The following ALK variants were observed in gnomAD, a reference collection of about 807,000 sequenced individuals.
ALK encodes the protein ALK receptor tyrosine kinase.
Under a neutral mutation model 163.1 loss-of-function variants are expected in ALK, and 74 were observed. That is an observed-to-expected ratio of 0.45 (90% CI 0.38 to 0.55). ALK has a LOEUF of 0.55. Ranked by LOEUF, ALK falls within the 20% of genes least tolerant of loss-of-function variation. The probability of loss-of-function intolerance (pLI) is 0.00; values close to 1 mark genes in which losing one functional copy is unlikely to be tolerated. For synonymous variants in ALK, 960 were observed against 843.2 expected (o/e 1.14, Z -2.40); for missense variants, 2,063 against 2,105.3 (o/e 0.98, Z 0.39).
At chr2:29,581,632 C>A (rs1674694847) in intron 3 of ALK, among the ~76,000 whole-genome samples, 1 of 152,124 alleles carries the variant, frequency 6.6e-6, no homozygotes, top group Admixed American at 6.6e-5. Flanking sequence ...GCCTGTATTG[C>A]CCGTCTTGGC....
chr2:29,697,791 G>A (rs1678617081), intron 2 of ALK, among the ~76,000 whole-genome samples: 1 of 152,098 alleles, frequency 6.6e-6, no homozygotes, highest in Non-Finnish European at 1.5e-5. Context: ...CTGCTTCTGA[G>A]GCTACTACTA....
At chr2:29,231,305 C>T (rs1664198832) in intron 15 of ALK, among the ~76,000 whole-genome samples, 1 of 152,194 alleles carries the variant, frequency 6.6e-6, no homozygotes, top group Admixed American at 6.5e-5. Flanking sequence ...CCACTGCACT[C>T]CAGCCTGGTG....
chr2:29,500,798 A>G (rs920878545), intron 4 of ALK, among the ~76,000 whole-genome samples: 2 of 152,106 alleles, frequency 1.3e-5, no homozygotes, highest in Non-Finnish European at 2.9e-5. Flanking sequence ...CCAGGAGCCC[A>G]ATGCTGCCAT....
intron 1 of ALK, among the ~76,000 whole-genome samples, chr2:29,855,640 T>C (rs1468629511): frequency 6.6e-6 from 1 of 152,204 alleles, no homozygotes; most frequent in Non-Finnish European, 1.5e-5. Flanking sequence ...CAAAAGTCTC[T>C]GTGCCTCCCT....
At chr2:29,700,627 CAT>C (rs979096901) in intron 2 of ALK, among the ~76,000 whole-genome samples, 1 of 152,162 alleles carries the variant, frequency 6.6e-6, no homozygotes, top group African/African-American at 2.4e-5. Context: ...CACACACCTG[CAT>C]GTGTGTGTGT....
intron 12 of ALK, among the ~76,000 whole-genome samples, chr2:29,242,350 T>C (rs563756810): frequency 2.3e-4 from 35 of 152,396 alleles, no homozygotes; most frequent in African/African-American, 8.2e-4. Context: ...GTAAGCGTCA[T>C]GCTGCCCATT....
intron 15 of ALK, 115 bp from the exon 16 acceptor site, chr2:29,229,181 C>T (rs2148180837): frequency 4.4e-6 from 4 of 902,158 alleles, no homozygotes; most frequent in Non-Finnish European, 5.4e-6. Context: ...AGCTCCAGCT[C>T]CCGGGGCCCA....
chr2:29,531,792 C>A, intron 4 of ALK, 123 bp downstream of exon 4: 1 of 1,040,038 alleles, frequency 9.6e-7, no homozygotes, highest in Non-Finnish European at 1.5e-6. Flanking sequence ...ATTGCTCAAC[C>A]TGGACCTACC....
At chr2:29,486,096 C>T (rs1166586002) in intron 4 of ALK, among the ~76,000 whole-genome samples, 3 of 510 alleles carry the variant, frequency 5.9e-3, no homozygotes, top group Non-Finnish European at 0.033. Context: ...GATGGAAACA[C>T]GGTGTCTATT....
chr2:29,575,665 A>G (rs976037649), intron 3 of ALK, among the ~76,000 whole-genome samples: 16 of 152,226 alleles, frequency 1.1e-4, no homozygotes, highest in African/African-American at 3.4e-4. Flanking sequence ...CCATTTGTTA[A>G]GTGCAGGGTA....
At chr2:29,515,911 A>G (rs1433548792) in intron 4 of ALK, among the ~76,000 whole-genome samples, 1 of 152,228 alleles carries the variant, frequency 6.6e-6, no homozygotes, top group African/African-American at 2.4e-5. Flanking sequence ...CCAATTAGAA[A>G]ACAGGGAGAT....
At chr2:29,548,863 G>C (rs1673639208) in intron 3 of ALK, among the ~76,000 whole-genome samples, 1 of 151,984 alleles carries the variant, frequency 6.6e-6, no homozygotes, top group Non-Finnish European at 1.5e-5. Flanking sequence ...ATTATGACGA[G>C]TGGCTACAGA....
At chr2:29,661,333 C>G (rs1294967911) in intron 3 of ALK, among the ~76,000 whole-genome samples, 1 of 152,160 alleles carries the variant, frequency 6.6e-6, no homozygotes, top group African/African-American at 2.4e-5. Context: ...GGCTTTCTAA[C>G]AGGCCAGAAG....
At chr2:29,320,323 G>A (rs1040578198) in intron 7 of ALK, among the ~76,000 whole-genome samples, 1 of 152,180 alleles carries the variant, frequency 6.6e-6, no homozygotes, top group Non-Finnish European at 1.5e-5. Flanking sequence ...ACCGGGTATA[G>A]GGTGAGGCTC....
At chr2:29,895,323 T>C (rs970369692) in intron 1 of ALK, among the ~76,000 whole-genome samples, 1 of 152,200 alleles carries the variant, frequency 6.6e-6, no homozygotes, top group Non-Finnish European at 1.5e-5. Context: ...TGGGATTCCA[T>C]TAGAAAGTCT....
chr2:29,686,728 A>T (rs79054308), intron 3 of ALK, among the ~76,000 whole-genome samples: 1 of 152,270 alleles, frequency 6.6e-6, no homozygotes, highest in East Asian at 1.9e-4. Flanking sequence ...TTCACTGGAC[A>T]TCTATAATCC....
At chr2:29,196,625 T>A in intron 28 of ALK, 145 bp downstream of exon 28, 2 of 720,592 alleles carry the variant, frequency 2.8e-6, no homozygotes, top group South Asian at 3.2e-5. Context: ...ACCAGTCATT[T>A]CATTTTAGAG....
At chr2:29,596,574 G>A (rs1451259499) in intron 3 of ALK, among the ~76,000 whole-genome samples, 3 of 152,164 alleles carry the variant, frequency 2.0e-5, no homozygotes, top group Non-Finnish European at 4.4e-5. Context: ...AGGGGTGTGT[G>A]GAGAGAGGAA....
intron 4 of ALK, among the ~76,000 whole-genome samples, chr2:29,481,665 A>G (rs1381596568): frequency 1.3e-5 from 2 of 152,144 alleles, no homozygotes; most frequent in Non-Finnish European, 2.9e-5. Context: ...TTTCAGTTTT[A>G]ATGGTTTTTG....
Sources: gnomAD v4.1 joint callset for allele counts (sites outside exome capture counted in the v4.1 genomes callset) on GRCh38, gnomAD v4.1.1 for gene constraint, MANE v1.5 for transcripts, NCBI Gene and HGNC (gene_info 2026-07-23, HGNC 2026-07-21) for gene names.